Variants in NBPF9 observed in about 807,000 individuals in gnomAD.
NBPF9 encodes the protein NBPF family member NBPF9.
A neutral mutation model predicts 97.8 loss-of-function variants in NBPF9; 91 were observed. That is an observed-to-expected ratio of 0.93 (90% CI 0.79 to 1.11). The LOEUF (loss-of-function observed/expected upper bound fraction) is 1.11. Ranked by LOEUF, NBPF9 falls within the 50% of genes least tolerant of loss-of-function variation. The pLI is 0.00. For synonymous variants in NBPF9, 334 were observed against 359.5 expected, an observed-to-expected ratio of 0.93 and a Z score of 0.80; for missense variants, 992 against 939.5, an observed-to-expected ratio of 1.06 and a Z score of -0.73.
At chr1:149,056,059 G>C (rs879979777) in intron 29 of NBPF9, among the ~76,000 whole-genome samples, 160 bp from the exon 30 acceptor site, 22 of 151,796 alleles carry the variant, frequency 1.4e-4, no homozygotes, top group African/African-American at 5.1e-4. Flanking sequence ...TGTTGGGATA[G>C]AACAGGGCCA....
chr1:149,072,826 C>A lies in NBPF9; in HGVS notation c.1198G>T (p.Ala400Ser), dbSNP rs781854764. 280 of 1,598,274 alleles carry A rather than the reference C, an allele frequency of 1.8e-4. 5 individuals carry two copies. The highest frequency in any genetic ancestry group is 2.3e-4 in the Non-Finnish European group (267 of 1,167,676). Residue 400 changes from alanine (A) to serine (S), a missense_variant, in exon 14 of 30, where the codon GCC (alanine) becomes TCC (serine). Around this residue, in one of 11 missense-constraint regions of NBPF9, gnomAD observed 187 missense variants for 149.6 expected, o/e 1.25. Coordinates refer to ENST00000584027, the Ensembl canonical transcript of NBPF9. ...TCCGGCTCATCCGGAGTGAGGAGGG[C>A]CTGGAGATGCTCATTCAATGAGCGG...
chr1:149,073,603 T>C (rs111844469), intron 13 of NBPF9, among the ~76,000 whole-genome samples, 165 bp downstream of exon 13: 4 of 149,530 alleles, frequency 2.7e-5, no homozygotes, highest in South Asian at 2.2e-4. Flanking sequence ...TACATTTTTA[T>C]TATCCTTCTT....
intron 5 of NBPF9, among the ~76,000 whole-genome samples, chr1:149,084,728 C>T (rs1295603652): frequency 1.3e-5 from 2 of 151,294 alleles, no homozygotes; most frequent in African/African-American, 2.4e-5. Flanking sequence ...AACATCACGC[C>T]AGCTGAGGTT....
At chr1:149,101,495 C>T (rs2174765) in intron 2 of NBPF9, 116 bp from the exon 3 acceptor site, 2,864 of 130,526 alleles carry the variant, frequency 0.022, no homozygotes, top group East Asian at 0.13. Flanking sequence ...ACATATATAT[C>T]GTAGAAAGGA....
At chr1:149,063,740 T>G (rs782391317) in exon 20 of NBPF9, 19 of 600,000 alleles carry the variant, frequency 3.2e-5, no homozygotes, top group African/African-American at 8.7e-5. Context: ...AGGAGTTGAA[T>G]AACATCTATC....
chr1:149,071,106 A>G (rs1454447359), exon 16 of NBPF9: 143 of 1,605,736 alleles, frequency 8.9e-5, no homozygotes, highest in Non-Finnish European at 1.2e-4. Flanking sequence ...GTGAGTCCTC[A>G]GGGACTTCCT....
intron 19 of NBPF9, 146 bp from the exon 20 acceptor site, chr1:149,063,951 T>C: frequency 1.5e-6 from 1 of 681,044 alleles, no homozygotes. Flanking sequence ...TGCCTTTATG[T>C]TGGGATAGAC....
At chr1:149,058,870 AC>A in intron 26 of NBPF9, 54 bp downstream of exon 26, 2 of 681,786 alleles carry the variant, frequency 2.9e-6, no homozygotes, top group Non-Finnish European at 5.4e-6. Context: ...CAGGAATATC[AC>A]CCCTATCTGG....
At chr1:149,070,842 T>A in intron 16 of NBPF9, 92 bp downstream of exon 16, 2 of 1,382,024 alleles carry the variant, frequency 1.4e-6, no homozygotes, top group South Asian at 2.3e-5. Flanking sequence ...CAGTTTTTTA[T>A]TCAAATGAAT....
chr1:149,076,484 G>A (rs2079880872), intron 11 of NBPF9, among the ~76,000 whole-genome samples: 1 of 149,594 alleles, frequency 6.7e-6, no homozygotes, highest in Non-Finnish European at 1.5e-5. Flanking sequence ...ATGTGAGCCA[G>A]CGCCCCTGGT....
At chr1:149,071,259 A>T (rs2079386106) in intron 15 of NBPF9, 120 bp from the exon 16 acceptor site, 1 of 1,334,806 alleles carries the variant, frequency 7.5e-7, no homozygotes, top group Admixed American at 1.8e-5. Context: ...AGCAAAATGG[A>T]GGTTCCCATT....
At chr1:149,088,923 GTC>G (rs1444429862) in intron 5 of NBPF9, among the ~76,000 whole-genome samples, 2 of 150,218 alleles carry the variant, frequency 1.3e-5, no homozygotes, top group African/African-American at 4.9e-5. Context: ...ACTCCAACAG[GTC>G]TCTGTCCTCA....
At chr1:149,072,534 T>A (rs1284828988) in intron 14 of NBPF9, among the ~76,000 whole-genome samples, 184 bp downstream of exon 14, 2 of 152,156 alleles carry the variant, frequency 1.3e-5, no homozygotes, top group Non-Finnish European at 2.9e-5. Flanking sequence ...CTTGCAATAA[T>A]GTGACCTCCA....
chr1:149,056,182 C>T (rs587686556), intron 29 of NBPF9, among the ~76,000 whole-genome samples: 1 of 147,080 alleles, frequency 6.8e-6, no homozygotes, highest in Non-Finnish European at 1.5e-5. Context: ...TAAAAGGACA[C>T]TCTGAGTTAG....
chr1:149,079,080 C>G, exon 9 of NBPF9: 2 of 1,393,576 alleles, frequency 1.4e-6, no homozygotes, highest in Non-Finnish European at 2.0e-6. Context: ...GGTCCTGCCC[C>G]TGGGACTTGT....
At chr1:149,063,830 A>G (rs587657987) in intron 19 of NBPF9, 25 bp from the exon 20 acceptor site, 1 of 665,912 alleles carries the variant, frequency 1.5e-6, no homozygotes, top group South Asian at 1.8e-5. Flanking sequence ...AAAAGTAAAG[A>G]ATAAGCCAGG....
At chr1:149,054,361 G>C (rs1472987194) in exon 30 of NBPF9, 218 of 120,946 alleles carry the variant, frequency 1.8e-3, no homozygotes, top group African/African-American at 6.7e-3. Context: ...ATGATCATTA[G>C]AATACAGGAT....
rs1265730066 is a variant in NBPF9, at chr1:149,062,806, C to A, written c.2078+56G>T. ...TGAACACACTCTTGTTTTCCCTGGA[C>A]CTGGCATCTCCAGGTGTCAACACAG... On this transcript the variant is annotated intron_variant, in intron 21 of 29. Transcript: ENST00000584027. 6.7e-6 allele frequency: 5 copies of A among 741,138 alleles called. No individual in the cohort carries two copies. The East Asian group carries it at 7.5e-5, about 11-fold the overall frequency. The allele number at this position is 741,138 out of a possible 1,614,324, so 45.9% of individuals were successfully genotyped here. A position where few individuals can be genotyped will look rare whatever the true frequency, so the allele number is the denominator to read the frequency against.
chr1:149,103,123 G>T (rs1217695925), intron 1 of NBPF9, among the ~76,000 whole-genome samples, 178 bp downstream of exon 1: 1 of 152,120 alleles, frequency 6.6e-6, no homozygotes, highest in East Asian at 2.0e-4. Flanking sequence ...CGGCAAGCGA[G>T]GAATCGAACG....
Sources: gnomAD v4.1 joint callset for allele counts (sites outside exome capture counted in the v4.1 genomes callset) on GRCh38, gnomAD v4.1.1 for gene constraint, gnomAD v4.1.1 regional missense constraint, MANE v1.5 for transcripts, NCBI Gene and HGNC (gene_info 2026-07-23, HGNC 2026-07-21) for gene names.